Variants in AFF2 observed in about 807,000 individuals in gnomAD.
AFF2 encodes ALF transcription elongation factor 2, also known as AF4/FMR2 family member 2.
AFF2 carries 14 observed loss-of-function variants against 76.9 expected under a neutral mutation model. The ratio of observed to expected loss-of-function variants is 0.18; its 90% CI spans 0.12 to 0.28. AFF2 has a LOEUF of 0.28. Among genes scored for constraint, AFF2 ranks in the 10% least tolerant of loss-of-function variants. The pLI is 1.00. For missense variants in AFF2, 868 were observed against 1,001.1 expected, an observed-to-expected ratio of 0.87 and a Z score of 1.79; for synonymous variants, 398 against 366.7, an observed-to-expected ratio of 1.09 and a Z score of -0.98.
At chrX:148,581,458 ACGTGTACACACATATATACGTATACGTC>A in intron 1 of AFF2, among the ~76,000 whole-genome samples, 1 of 95,058 alleles carries the variant, frequency 1.1e-5, no homozygotes, top group African/African-American at 3.9e-5. Context: ...GTATACGTCT[ACGTGTACACACATATATACGTATACGTC>A]TACGTGTACA....
Position 148,966,935 on chromosome X carries a change from C to T in AFF2, c.3059C>T (p.Thr1020Ile), listed in dbSNP as rs1354586464. 1 of 1,209,275 alleles carries T rather than the reference C, an allele frequency of 8.3e-7. No homozygotes were observed. Among genetic ancestry groups the T allele is most frequent in the Non-Finnish European group, 1.1e-6 (1 of 895,155 alleles). Residue 1020 changes from threonine to isoleucine, a missense_variant, in exon 14 of 21, where the codon ACC (threonine) becomes ATC (isoleucine). By Grantham distance (89) the Thr-to-Ile change is moderately conservative (BLOSUM62 -1). Transcript: ENST00000370460. ...GCCACGGCCACCACCACAACTACTA[C>T]CACTACCATTTCCACCATCACCTCT... ...ATATATTTTT[T>I]TTISTITSTI...
rs782186015 is a variant in AFF2, at chrX:148,964,536, AC to A, written c.2913+1600del. On this transcript the variant is annotated intron_variant, in intron 13 of 20. Transcript: ENST00000370460. ...CATTATGCTAAGTGAAATAAGCCAGACACCAAAGGCCAAAACCATGTGATTC... is the reference window on the plus strand; with the variant it reads ...CATTATGCTAAGTGAAATAAGCCAGAACCAAAGGCCAAAACCATGTGATTC... 2.8e-3 allele frequency among the ~76,000 whole-genome samples: 314 copies of A among 112,167 alleles called. 1 individual carries two copies. The highest frequency in any genetic ancestry group is 9.9e-3 in the African/African-American group (305 of 30,872).
intron 1 of AFF2, among the ~76,000 whole-genome samples, chrX:148,643,973 CTT>C (rs1347663649): frequency 2.7e-5 from 3 of 111,615 alleles, no homozygotes; most frequent in Non-Finnish European, 3.8e-5. Flanking sequence ...AGATGGGAAA[CTT>C]TGGCTTGCTA....
At chrX:148,693,692 T>C (rs1369153497) in intron 3 of AFF2, among the ~76,000 whole-genome samples, 1 of 111,948 alleles carries the variant, frequency 8.9e-6, no homozygotes, top group Non-Finnish European at 1.9e-5. Flanking sequence ...CATCATTTGC[T>C]GTATATTGAT....
At position 148,997,877 on chromosome X, in the gene AFF2, A is replaced by G. The variant is rs1346752062; in HGVS notation, c.*6545A>G. 1.8e-5 allele frequency: 2 copies of G among 112,547 alleles called. No individual in the cohort carries two copies. The highest frequency in any genetic ancestry group is 3.7e-5 in the Non-Finnish European group (2 of 53,336). The allele number at this position is 112,547 out of a possible 1,213,427, so 9.3% of individuals were successfully genotyped here. On this transcript the variant is annotated 3_prime_UTR_variant, in exon 21 of 21. Transcript: ENST00000370460. Reference sequence around the variant, plus strand: ...CCCATAAATATTACAAATGAGATTGATTCCATCTCAAGACAATTTGTCAAA... The same window carrying G: ...CCCATAAATATTACAAATGAGATTGGTTCCATCTCAAGACAATTTGTCAAA...
chrX:148,548,887 G>A (rs781919145), intron 1 of AFF2, among the ~76,000 whole-genome samples: 37 of 112,470 alleles, frequency 3.3e-4, no homozygotes, highest in Non-Finnish European at 6.0e-4. Flanking sequence ...TATGTGTGCC[G>A]TAATATATAC....
rs184310822 is a variant in AFF2 at position 148,830,977 on chromosome X, C to T, written c.1087-6670C>T. Among the ~76,000 whole-genome samples the T allele has an allele frequency of 8.0e-5, 9 of 111,859 alleles. No homozygotes were observed. The East Asian group carries it at 2.5e-3, about 31-fold the overall frequency. ...TTTCCCAAAGAGGCCATTTTAGAGG[C>T]CTCCCCTTGGGAATGCATTCTCCTT... On this transcript the variant is annotated intron_variant, in intron 4 of 20. Transcript: ENST00000370460.
chrX:148,714,080 G>A (rs781935492), intron 3 of AFF2, among the ~76,000 whole-genome samples: 2 of 111,981 alleles, frequency 1.8e-5, no homozygotes, highest in Non-Finnish European at 3.8e-5. Context: ...TATCCCTGGA[G>A]TACTTCCTGC....
chrX:148,606,029 C>G (rs2053669209), intron 1 of AFF2, among the ~76,000 whole-genome samples: 1 of 112,330 alleles, frequency 8.9e-6, no homozygotes, highest in Non-Finnish European at 1.9e-5. Flanking sequence ...TTATTGACAT[C>G]TTGAACTCTC....
intron 7 of AFF2, among the ~76,000 whole-genome samples, chrX:148,874,109 A>G (rs73638201): frequency 0.019 from 2,081 of 111,380 alleles, 56 homozygotes; most frequent in African/African-American, 0.066. Context: ...GCACCCTCTT[A>G]CCTGAAGCCA....
At chrX:148,702,384 A>C (rs1347704388) in intron 3 of AFF2, among the ~76,000 whole-genome samples, 1 of 112,003 alleles carries the variant, frequency 8.9e-6, no homozygotes, top group East Asian at 2.8e-4. Flanking sequence ...AAATGGTGTT[A>C]AAGAGACATT....
intron 3 of AFF2, among the ~76,000 whole-genome samples, chrX:148,762,271 C>G (rs1298312785): frequency 1.8e-5 from 2 of 109,452 alleles, no homozygotes; most frequent in Non-Finnish European, 3.8e-5. Context: ...AGCTTAGCTC[C>G]CACTTATAAG....
intron 3 of AFF2, among the ~76,000 whole-genome samples, chrX:148,697,545 G>T (rs1415694114): frequency 9.0e-6 from 1 of 110,914 alleles, no homozygotes; most frequent in Non-Finnish European, 1.9e-5. Flanking sequence ...CTTTCCCTAG[G>T]CCATTGTTCA....
Position 148,953,739 on chromosome X carries a change from G to A in AFF2, c.1557G>A (p.Glu519=), listed in dbSNP as rs1409010852. 9 of 1,199,205 alleles carry A rather than the reference G, an allele frequency of 7.5e-6. No homozygotes were observed. In the Admixed American group the frequency reaches 8.9e-5, roughly 12 times the overall value. The change falls in exon 10 of 21, where the codon GAG becomes GAA. Residue 519 remains glutamate (E), a splice_region_variant and synonymous_variant. Transcript: ENST00000370460. ...AGGCACCTCGTGTGGCAACTCCAGA[G>A]GTGAGTGAAGGTGCCAGGGCCCTAA... ...SNEAPRVATP[E]PEPPSTNKWQ...
intron 9 of AFF2, among the ~76,000 whole-genome samples, chrX:148,942,402 G>C (rs1321116868): frequency 9.0e-6 from 1 of 111,479 alleles, no homozygotes; most frequent in Non-Finnish European, 1.9e-5. Flanking sequence ...CTGCCAGAAA[G>C]TCATTGTGAA....
chrX:148,693,873 A>G (rs1380055895), intron 3 of AFF2, among the ~76,000 whole-genome samples: 1 of 111,719 alleles, frequency 9.0e-6, no homozygotes, highest in African/African-American at 3.3e-5. Context: ...CTCTTGCCAT[A>G]CTTCAAAGTG....
chrX:148,704,957 G>A (rs182761793), intron 3 of AFF2, among the ~76,000 whole-genome samples: 19 of 111,058 alleles, frequency 1.7e-4, no homozygotes, highest in Non-Finnish European at 1.9e-4. Flanking sequence ...AAGAGCTACC[G>A]TGCCCGGCCC....
intron 3 of AFF2, among the ~76,000 whole-genome samples, chrX:148,716,058 A>G (rs782749399): frequency 1.9e-4 from 21 of 111,207 alleles, no homozygotes; most frequent in Non-Finnish European, 3.4e-4. Flanking sequence ...ATTATTTTGC[A>G]TAGGTGCATT....
intron 3 of AFF2, among the ~76,000 whole-genome samples, chrX:148,808,442 A>G (rs186841003): frequency 7.8e-4 from 88 of 112,456 alleles, no homozygotes; most frequent in African/African-American, 2.7e-3. Flanking sequence ...GATTCTTTAC[A>G]AGGTATGCCC....
Sources: allele counts gnomAD v4.1 joint callset (sites outside exome capture counted in the v4.1 genomes callset), GRCh38; gene constraint gnomAD v4.1.1; transcripts MANE v1.5; gene names NCBI Gene and HGNC (gene_info 2026-07-23, HGNC 2026-07-21).